Variants in FOXO1 observed in about 807,000 individuals in gnomAD.
The protein encoded by FOXO1 is forkhead box protein O1.
In FOXO1, 6 loss-of-function variants were observed where a neutral mutation model predicts 44.1. The observed-to-expected ratio is 0.14, with a 90% confidence interval of 0.07 to 0.27. The LOEUF (loss-of-function observed/expected upper bound fraction) is 0.27. Among genes scored for constraint, FOXO1 ranks in the 10% least tolerant of loss-of-function variants. The pLI, the probability that FOXO1 is intolerant of heterozygous loss-of-function variation, is 1.00. For missense variants in FOXO1, 737 were observed against 888.8 expected, an observed-to-expected ratio of 0.83 and a Z score of 2.17; for synonymous variants, 380 against 362.7, an observed-to-expected ratio of 1.05 and a Z score of -0.54.
In FOXO1 at chr13:40,661,285, T is replaced by C. The variant is rs9566559; in HGVS notation, c.630+4298A>G. ...CAGGATTATCAAGGCTTTCTTCTTT[T>C]TTTTTTTGGAGACAGGGTCTCCCTC... On this transcript the variant is annotated intron_variant, in intron 1 of 2. Transcript: ENST00000379561. Among the ~76,000 whole-genome samples, 163 of 152,242 alleles carry C rather than the reference T, an allele frequency of 1.1e-3. 4 individuals are homozygous for C. In the East Asian group the frequency reaches 0.02, roughly 18 times the overall value.
At chr13:40,582,657 A>C (rs911377318) in intron 1 of FOXO1, among the ~76,000 whole-genome samples, 5 of 152,196 alleles carry the variant, frequency 3.3e-5, no homozygotes, top group African/African-American at 4.8e-5. Flanking sequence ...CATCCGTAAG[A>C]AGCAAGTCCT....
At chr13:40,658,693 G>A (rs929537874) in intron 1 of FOXO1, among the ~76,000 whole-genome samples, 5 of 152,162 alleles carry the variant, frequency 3.3e-5, no homozygotes, top group African/African-American at 4.8e-5. Flanking sequence ...GATAAGAAAC[G>A]ATTTCTCAAA....
chr13:40,635,744 C>G (rs9577081), intron 1 of FOXO1, among the ~76,000 whole-genome samples: 1 of 152,212 alleles, frequency 6.6e-6, no homozygotes, highest in South Asian at 2.1e-4. Context: ...TCTGGATGGT[C>G]AGGCACACCA....
At chr13:40,624,161 G>T (rs1014197828) in intron 1 of FOXO1, among the ~76,000 whole-genome samples, 1 of 151,274 alleles carries the variant, frequency 6.6e-6, no homozygotes, top group Non-Finnish European at 1.5e-5. Flanking sequence ...AAGCCTAGAC[G>T]ACCCTCTGCA....
Position 40,657,240 on chromosome 13 carries a change from G to C in FOXO1, c.630+8343C>G, listed in dbSNP as rs555568859. ...AATGTCATTAGTAGAAAAGGTAGTA[G>C]AAATTCTTCCAATTTTGCTGAATGC... On this transcript the variant is annotated intron_variant, in intron 1 of 2. Coordinates refer to ENST00000379561, the MANE Select transcript of FOXO1 (RefSeq NM_002015.4). Among the ~76,000 whole-genome samples the C allele has an allele frequency of 2.0e-5, 3 of 151,870 alleles. No individual in the cohort carries two copies. The South Asian group carries it at 6.2e-4, about 32-fold the overall frequency.
chr13:40,619,016 G>A (rs993388747), intron 1 of FOXO1: 29 of 503,848 alleles, frequency 5.8e-5, no homozygotes, highest in Non-Finnish European at 1.1e-4. Context: ...GCCGGACACC[G>A]TGACTCATGC....
intron 1 of FOXO1, among the ~76,000 whole-genome samples, chr13:40,600,998 T>C (rs943874941): frequency 3.3e-5 from 5 of 152,168 alleles, no homozygotes; most frequent in African/African-American, 1.2e-4. Flanking sequence ...TTGCAGTTAA[T>C]GTATGTTTGG....
intron 1 of FOXO1, among the ~76,000 whole-genome samples, chr13:40,577,036 T>C (rs1342340330): frequency 6.6e-6 from 1 of 152,190 alleles, no homozygotes; most frequent in Non-Finnish European, 1.5e-5. Context: ...TGGATAAAGC[T>C]GCAACAAAAT....
intron 1 of FOXO1, among the ~76,000 whole-genome samples, chr13:40,651,092 T>TTTTTG (rs1566085363): frequency 1.3e-5 from 2 of 150,536 alleles, no homozygotes; most frequent in African/African-American, 2.5e-5. Flanking sequence ...TGGTTTTTTG[T>TTTTTG]TTTTTGTTTT....
At chr13:40,588,747 G>A (rs1389050719) in intron 1 of FOXO1, among the ~76,000 whole-genome samples, 1 of 152,152 alleles carries the variant, frequency 6.6e-6, no homozygotes, top group East Asian at 1.9e-4. Context: ...CTCCTTGGTA[G>A]AATAAAGGGC....
chr13:40,642,716 C>G (rs1363712648), intron 1 of FOXO1, among the ~76,000 whole-genome samples: 1 of 151,922 alleles, frequency 6.6e-6, no homozygotes, highest in Non-Finnish European at 1.5e-5. Flanking sequence ...CTCAGGAGTT[C>G]GAAACCAGCC....
intron 1 of FOXO1, among the ~76,000 whole-genome samples, chr13:40,665,220 A>AGGGGC (rs1211822978): frequency 6.6e-6 from 1 of 151,814 alleles, no homozygotes; most frequent in Admixed American, 6.5e-5. Flanking sequence ...CCGGGAGGGA[A>AGGGGC]GGGGCAGCCG....
chr13:40,558,768 G>T lies in FOXO1; in HGVS notation c.*281C>A, dbSNP rs768721318. On this transcript the variant is annotated 3_prime_UTR_variant, in exon 3 of 3. Coordinates refer to ENST00000379561, the MANE Select transcript of FOXO1 (RefSeq NM_002015.4). ...TGAAAATCTTTTCTGCAATTATATG[G>T]TGTAGTGAGTTTGGCACTTCATTGT... is the stretch of plus-strand genomic sequence containing the variant. 7.5e-6 allele frequency: 3 copies of T among 398,882 alleles called. No individual in the cohort carries two copies. In the Middle Eastern group the frequency reaches 1.9e-3, roughly 251 times the overall value. 24.7% of individuals were successfully genotyped at this position (398,882 alleles called of 1,614,324 possible). A position where few individuals can be genotyped will look rare whatever the true frequency, so the allele number is the denominator to read the frequency against.
chr13:40,581,044 A>G (rs956426634), intron 1 of FOXO1, among the ~76,000 whole-genome samples: 2 of 152,230 alleles, frequency 1.3e-5, no homozygotes, highest in East Asian at 3.8e-4. Context: ...CGGAGTTGAG[A>G]TAAGTAAGAA....
intron 1 of FOXO1, among the ~76,000 whole-genome samples, chr13:40,635,885 C>G (rs949580249): frequency 3.9e-5 from 6 of 152,202 alleles, no homozygotes; most frequent in African/African-American, 9.7e-5. Context: ...CAGATGCATG[C>G]ATGTGACAGA....
At chr13:40,627,323 T>C (rs971884025) in intron 1 of FOXO1, among the ~76,000 whole-genome samples, 6 of 152,310 alleles carry the variant, frequency 3.9e-5, no homozygotes, top group African/African-American at 1.4e-4. Flanking sequence ...ACTTTAAAAA[T>C]AGTTGGTCTG....
At chr13:40,580,993 G>A (rs1189344494) in intron 1 of FOXO1, among the ~76,000 whole-genome samples, 3 of 152,208 alleles carry the variant, frequency 2.0e-5, no homozygotes, top group Admixed American at 1.3e-4. Flanking sequence ...GCCTTCTTGG[G>A]TTATGGTCAG....
chr13:40,641,982 T>G (rs1332091788), intron 1 of FOXO1, among the ~76,000 whole-genome samples: 2 of 152,026 alleles, frequency 1.3e-5, no homozygotes, highest in African/African-American at 4.8e-5. Context: ...CAATACTCCA[T>G]CTCAAAAAAT....
At chr13:40,642,911 A>G (rs1249331583) in intron 1 of FOXO1, among the ~76,000 whole-genome samples, 1 of 152,224 alleles carries the variant, frequency 6.6e-6, no homozygotes. Context: ...TCCTCTCCCA[A>G]AAATAAAAAA....
Sources: allele counts gnomAD v4.1 joint callset (sites outside exome capture counted in the v4.1 genomes callset), GRCh38; gene constraint gnomAD v4.1.1; transcripts MANE v1.5; gene names NCBI Gene and HGNC (gene_info 2026-07-23, HGNC 2026-07-21).